TRAPPC3L: variants seen among roughly 807,000 people sequenced by gnomAD.
TRAPPC3L encodes the protein trafficking protein particle complex subunit 3-like protein.
In TRAPPC3L, 23 loss-of-function variants were observed where a neutral mutation model predicts 23.7. The ratio of observed to expected loss-of-function variants is 0.97; its 90% CI spans 0.70 to 1.37. The LOEUF is 1.37. Ranked by LOEUF, TRAPPC3L falls within the 40% of genes most tolerant of loss-of-function variation. The pLI, the probability that TRAPPC3L is intolerant of heterozygous loss-of-function variation, is 0.00. For synonymous variants in TRAPPC3L, 81 were observed against 77.9 expected (o/e 1.04, Z -0.21); for missense variants, 212 against 216.8 (o/e 0.98, Z 0.14).
chr6:116,520,115 A>G (rs1367325700), intron 3 of TRAPPC3L: 1 of 152,198 alleles, frequency 6.6e-6, no homozygotes, highest in Non-Finnish European at 1.5e-5. Flanking sequence ...ATCACTAAAA[A>G]TGTATACATT....
rs1436541710 is a variant in TRAPPC3L at position 116,495,045 on chromosome 6, C to T, written c.*1909G>A. Reference sequence around the variant, plus strand: ...CTCAAACTCCTGAGCTCAAGCAATCCTCCCACTTTGGCATCCCAAAGTGCA... The same window carrying T: ...CTCAAACTCCTGAGCTCAAGCAATCTTCCCACTTTGGCATCCCAAAGTGCA... On this transcript the variant is annotated 3_prime_UTR_variant, in exon 5 of 5. Coordinates refer to ENST00000368602, the MANE Select transcript of TRAPPC3L (RefSeq NM_001139444.3). The T allele has an allele frequency of 7.3e-6, 1 of 137,272 alleles. No individual in the cohort carries two copies. The highest frequency in any genetic ancestry group is 1.5e-5 in the Non-Finnish European group (1 of 65,374). 8.5% of individuals were successfully genotyped at this position (137,272 alleles called of 1,614,324 possible).
At chr6:116,535,069 A>T (rs1772993508) in intron 3 of TRAPPC3L, among the ~76,000 whole-genome samples, 1 of 152,222 alleles carries the variant, frequency 6.6e-6, no homozygotes, top group South Asian at 2.1e-4. Flanking sequence ...GAGCAGTTAT[A>T]AACATTGTCA....
chr6:116,537,053 A>AG (rs1773140756), intron 3 of TRAPPC3L, among the ~76,000 whole-genome samples: 2 of 152,220 alleles, frequency 1.3e-5, no homozygotes, highest in Admixed American at 1.3e-4. Flanking sequence ...CTACAAGTAA[A>AG]GGAACATTTT....
intron 3 of TRAPPC3L, among the ~76,000 whole-genome samples, chr6:116,509,191 T>A (rs138527712): frequency 6.6e-6 from 1 of 150,948 alleles, no homozygotes; most frequent in East Asian, 1.9e-4. Flanking sequence ...AAAGAAGTCA[T>A]AGATGACACA....
At chr6:116,535,923 A>G (rs984685201) in intron 3 of TRAPPC3L, among the ~76,000 whole-genome samples, 10 of 152,210 alleles carry the variant, frequency 6.6e-5, no homozygotes, top group African/African-American at 2.4e-4. Context: ...TCTATCAGTA[A>G]AATGGGGCTA....
chr6:116,540,223 G>T (rs1017651565), intron 3 of TRAPPC3L, 140 bp downstream of exon 3: 2 of 763,204 alleles, frequency 2.6e-6, no homozygotes, highest in Non-Finnish European at 4.2e-6. Flanking sequence ...GAAATAAAAT[G>T]CTTTTCAATC....
chr6:116,540,516 T>A (rs1773384051), intron 2 of TRAPPC3L, 54 bp from the exon 3 acceptor site: 2 of 1,515,264 alleles, frequency 1.3e-6, no homozygotes, highest in Non-Finnish European at 1.8e-6. Flanking sequence ...TAGTGAAGTC[T>A]GTCAGTTTTT....
chr6:116,543,270 G>A (rs773917375), intron 2 of TRAPPC3L, 33 bp downstream of exon 2: 20 of 1,462,542 alleles, frequency 1.4e-5, no homozygotes, highest in African/African-American at 2.8e-5. Flanking sequence ...AGAAACAACA[G>A]CCATTCAATA....
Position 116,545,067 on chromosome 6 carries a change from C to T in TRAPPC3L, c.42+406G>A, listed in dbSNP as rs533995523. 5.3e-5 allele frequency among the ~76,000 whole-genome samples: 8 copies of T among 151,312 alleles called. No homozygotes were observed. The East Asian group carries it at 7.7e-4, about 15-fold the overall frequency. On this transcript the variant is annotated intron_variant, in intron 1 of 4. Transcript: ENST00000368602. ...GCAATCCTTTTTTGATGACCTATTT[C>T]GATTCAGTTTTACACATAATCAACT...
chr6:116,512,167 T>C (rs780216316), intron 3 of TRAPPC3L: 2 of 1,612,556 alleles, frequency 1.2e-6, no homozygotes. Flanking sequence ...ACAAAGTATC[T>C]TGTGGCAAAA....
At chr6:116,514,027 T>G (rs930769068) in intron 3 of TRAPPC3L, among the ~76,000 whole-genome samples, 5 of 152,152 alleles carry the variant, frequency 3.3e-5, no homozygotes, top group Admixed American at 6.6e-5. Flanking sequence ...GCATAAAGCT[T>G]CTGGTACACA....
intron 3 of TRAPPC3L, among the ~76,000 whole-genome samples, chr6:116,537,968 C>T (rs555767694): frequency 6.6e-6 from 1 of 152,268 alleles, no homozygotes; most frequent in African/African-American, 2.4e-5. Context: ...ATATCCTGGT[C>T]GAGGACCACA....
At position 116,545,636 on chromosome 6, in the gene TRAPPC3L, G is replaced by T; in HGVS notation, c.-122C>A. ...AGCTCTTCCTCGCTTTGAGACAGGA[G>T]TGCTGCTTCTGCACTCTGCTGCTTT... is the stretch of plus-strand genomic sequence containing the variant. On this transcript the variant is annotated 5_prime_UTR_variant, in exon 1 of 5. Coordinates refer to ENST00000368602, the MANE Select transcript of TRAPPC3L (RefSeq NM_001139444.3). 2.5e-6 allele frequency: 2 copies of T among 805,654 alleles called. No homozygotes were observed. The highest frequency in any genetic ancestry group is 2.1e-5 in the South Asian group (1 of 48,294). 49.9% of individuals were successfully genotyped at this position (805,654 alleles called of 1,614,324 possible). A position where few individuals can be genotyped will look rare whatever the true frequency, so the allele number is the denominator to read the frequency against.
chr6:116,532,813 T>G (rs899214997), intron 3 of TRAPPC3L, among the ~76,000 whole-genome samples: 6 of 152,236 alleles, frequency 3.9e-5, no homozygotes, highest in African/African-American at 1.4e-4. Flanking sequence ...ATTGCTCTGC[T>G]TTCATAATAA....
chr6:116,536,362 T>C (rs925897360), intron 3 of TRAPPC3L, among the ~76,000 whole-genome samples: 1 of 152,156 alleles, frequency 6.6e-6, no homozygotes, highest in African/African-American at 2.4e-5. Context: ...TTAAAAGACA[T>C]TGTCAGAGGC....
At chr6:116,511,688 A>C (rs776990661) in intron 3 of TRAPPC3L, 125 of 1,611,284 alleles carry the variant, frequency 7.8e-5, no homozygotes, top group Non-Finnish European at 9.9e-5. Flanking sequence ...CCCTCTGTGC[A>C]TCTCCAACAT....
chr6:116,505,525 G>A (rs1413645571), intron 3 of TRAPPC3L, among the ~76,000 whole-genome samples: 2 of 152,024 alleles, frequency 1.3e-5, no homozygotes, highest in Non-Finnish European at 2.9e-5. Context: ...CTCCTCTAAA[G>A]TTCATATGGA....
At chr6:116,527,737 A>G (rs1037710557) in intron 3 of TRAPPC3L, among the ~76,000 whole-genome samples, 6 of 152,206 alleles carry the variant, frequency 3.9e-5, no homozygotes, top group African/African-American at 1.4e-4. Flanking sequence ...AAAACCAATA[A>G]TCTTCAATGC....
intron 3 of TRAPPC3L, among the ~76,000 whole-genome samples, chr6:116,513,786 A>T (rs1049084992): frequency 5.9e-5 from 9 of 152,214 alleles, no homozygotes; most frequent in Non-Finnish European, 8.8e-5. Flanking sequence ...GCAGATAAAA[A>T]ATCTAGCTGG....
Sources: allele counts gnomAD v4.1 joint callset (sites outside exome capture counted in the v4.1 genomes callset), GRCh38; gene constraint gnomAD v4.1.1; transcripts MANE v1.5; gene names NCBI Gene and HGNC (gene_info 2026-07-23, HGNC 2026-07-21).